Variants in TTC39A observed in about 807,000 individuals in gnomAD.
TTC39A encodes the protein tetratricopeptide repeat protein 39A.
TTC39A carries 46 observed loss-of-function variants against 82.3 expected under a neutral mutation model. The observed-to-expected ratio is 0.56, with a 90% CI of 0.44 to 0.71. The LOEUF is 0.71. Ranked by LOEUF, TTC39A falls within the 30% of genes least tolerant of loss-of-function variation. The probability of loss-of-function intolerance (pLI) is 0.00; values close to 1 mark genes in which losing one functional copy is unlikely to be tolerated. For synonymous variants in TTC39A, 254 were observed against 275.2 expected, an observed-to-expected ratio of 0.92 and a Z score of 0.76; for missense variants, 543 against 712.9, an observed-to-expected ratio of 0.76 and a Z score of 2.71.
chr1:51,328,202 T>A (rs917447987), intron 1 of TTC39A, among the ~76,000 whole-genome samples: 2 of 152,134 alleles, frequency 1.3e-5, no homozygotes, highest in African/African-American at 4.8e-5. Context: ...TATTTTATTT[T>A]ATTTAAGATC....
At chr1:51,302,279 G>C (rs2148177894) in intron 11 of TTC39A, 78 bp downstream of exon 11, 1 of 1,199,120 alleles carries the variant, frequency 8.3e-7, no homozygotes, top group African/African-American at 1.7e-5. Context: ...CCCTGAGTAT[G>C]TCACATGTGC....
chr1:51,302,273 G>A, intron 11 of TTC39A, 84 bp downstream of exon 11: 1 of 1,091,434 alleles, frequency 9.2e-7, no homozygotes, highest in Non-Finnish European at 1.3e-6. Context: ...TCCTGTCCCT[G>A]AGTATGTCAC....
rs146609489 is a variant in TTC39A, at chr1:51,288,289, G to A, written c.1611-9C>T. 32 of 1,613,948 alleles carry A rather than the reference G, an allele frequency of 2.0e-5. No homozygotes were observed. The African/African-American group carries it at 4.0e-4, about 20-fold the overall frequency. On this transcript the variant is annotated splice_polypyrimidine_tract_variant and intron_variant, in intron 17 of 17. Coordinates refer to ENST00000680483, the MANE Select transcript of TTC39A (RefSeq NM_001297663.2). The surrounding 1 kb of genome is among the most constrained non-coding windows in gnomAD (Gnocchi z 4.8). ...AATTCTTGTAGTTTTGCCTGGAATT[G>A]AGCAGCGAATCAGACACATGAGGCT...
chr1:51,338,302 C>T (rs894093386), intron 1 of TTC39A, among the ~76,000 whole-genome samples: 6 of 152,104 alleles, frequency 3.9e-5, no homozygotes, highest in Admixed American at 6.6e-5. Flanking sequence ...CACCTCTTTG[C>T]GCCTAAGTTT....
chr1:51,304,867 C>T (rs926204524), intron 8 of TTC39A, among the ~76,000 whole-genome samples: 4 of 152,236 alleles, frequency 2.6e-5, no homozygotes, highest in African/African-American at 4.8e-5. Context: ...AGAGCCTCTG[C>T]ACCCTGGGAG....
intron 16 of TTC39A, 50 bp from the exon 17 acceptor site, chr1:51,289,005 A>G (rs1290125119): frequency 6.6e-7 from 1 of 1,507,618 alleles, no homozygotes; most frequent in Non-Finnish European, 9.0e-7. Flanking sequence ...GCCTCTCCCA[A>G]ACTGCATGTG....
intron 1 of TTC39A, chr1:51,344,973 C>A: frequency 6.6e-7 from 1 of 1,525,474 alleles, no homozygotes; most frequent in South Asian, 1.2e-5. Flanking sequence ...CCGCCGAGTC[C>A]CCACCCCTGC....
chr1:51,312,103 G>A lies in TTC39A; in HGVS notation c.355+16C>T, dbSNP rs116681598. On this transcript the variant is annotated intron_variant, in intron 4 of 17. Transcript: ENST00000680483. ...CTGGGCTTAGCATGGTTGAAAGGAT[G>A]TCCTGGATGCCACACCTTCAGTGAA... The A allele has an allele frequency of 5.4e-3, 8,750 of 1,608,176 alleles. 320 individuals carry two copies. In the African/African-American group the frequency reaches 0.091, roughly 17 times the overall value.
In TTC39A at chr1:51,306,011, C is replaced by T; in HGVS notation, c.554G>A (p.Gly185Glu). ...CKGENHPHFE[G>E]GVKLGVGAFN... ...GGCCCCTACACCAAGCTTCACTCCTCCTTCAAAGTGCGGGTGGTTCTCACC... is the reference window on the plus strand; with the variant it reads ...GGCCCCTACACCAAGCTTCACTCCTTCTTCAAAGTGCGGGTGGTTCTCACC... Residue 185 changes from glycine (G) to glutamate (E), a missense_variant, in exon 7 of 18, where the codon GGA becomes GAA. Gly to Glu is a moderately conservative substitution (Grantham distance 98). Coordinates refer to ENST00000680483, the MANE Select transcript of TTC39A (RefSeq NM_001297663.2). 1.9e-6 allele frequency: 3 copies of T among 1,614,034 alleles called. No individual in the cohort carries two copies. In the South Asian group the frequency reaches 3.3e-5, roughly 18 times the overall value.
intron 16 of TTC39A, 46 bp from the exon 17 acceptor site, chr1:51,289,001 C>T (rs1453334831): frequency 6.6e-7 from 1 of 1,517,508 alleles, no homozygotes. Flanking sequence ...CTGAGCCTCT[C>T]CCAAACTGCA....
At chr1:51,289,858 G>A in intron 16 of TTC39A, 147 bp downstream of exon 16, 1 of 645,652 alleles carries the variant, frequency 1.5e-6, no homozygotes, top group South Asian at 2.0e-5. Flanking sequence ...CACAAGTCCT[G>A]GCACAGAGTG....
intron 11 of TTC39A, 85 bp downstream of exon 11, chr1:51,302,267 GTCCCT>G: frequency 9.9e-7 from 1 of 1,005,710 alleles, no homozygotes; most frequent in Non-Finnish European, 1.5e-6. Flanking sequence ...AGTCTATCCT[GTCCCT>G]GAGTATGTCA....
chr1:51,341,716 C>CA (rs1483525586), intron 1 of TTC39A, among the ~76,000 whole-genome samples: 33 of 151,862 alleles, frequency 2.2e-4, no homozygotes, highest in African/African-American at 7.7e-4. Context: ...CACACACACA[C>CA]ACAAAAAAAA....
chr1:51,311,136 G>T lies in TTC39A; in HGVS notation c.423+118C>A, dbSNP rs764064033. 45 of 942,426 alleles carry T rather than the reference G, an allele frequency of 4.8e-5. No homozygotes were observed. The Middle Eastern group carries it at 6.5e-4, about 14-fold the overall frequency. 58.4% of individuals were successfully genotyped at this position (942,426 alleles called of 1,614,324 possible). ...AGGATGGGACACGATTGCTACAGGGGATGAGTCGTGGTTGCTATGGGGGAT... is the reference window on the plus strand; with the variant it reads ...AGGATGGGACACGATTGCTACAGGGTATGAGTCGTGGTTGCTATGGGGGAT... On this transcript the variant is annotated intron_variant, in intron 5 of 17. Coordinates refer to ENST00000680483, the MANE Select transcript of TTC39A (RefSeq NM_001297663.2).
At chr1:51,320,416 C>CTTTTTTTTTTT (rs57261779) in intron 2 of TTC39A, among the ~76,000 whole-genome samples, 56 of 79,262 alleles carry the variant, frequency 7.1e-4, no homozygotes, top group East Asian at 9.8e-4. Context: ...TTTTCTTTTT[C>CTTTTTTTTTTT]TTTTTTTTTT....
chr1:51,320,945 T>C (rs1454748762), intron 2 of TTC39A, among the ~76,000 whole-genome samples: 1 of 149,716 alleles, frequency 6.7e-6, no homozygotes, highest in African/African-American at 2.5e-5. Flanking sequence ...CGATCTTGGC[T>C]CACTGCAACC....
At chr1:51,322,398 C>T (rs1347611387) in intron 1 of TTC39A, 11 of 891,102 alleles carry the variant, frequency 1.2e-5, no homozygotes, top group South Asian at 4.0e-5. Context: ...CCAGTCCTTA[C>T]GTTTCTCTAT....
chr1:51,328,908 T>G (rs993754403), intron 1 of TTC39A, among the ~76,000 whole-genome samples: 19 of 152,282 alleles, frequency 1.2e-4, no homozygotes, highest in African/African-American at 4.6e-4. Flanking sequence ...AAGGTGAGAA[T>G]GGTCCTGCTG....
chr1:51,312,521 T>C lies in TTC39A; in HGVS notation c.278+291A>G, dbSNP rs967418059. Among the ~76,000 whole-genome samples, 3 of 152,032 alleles carry C rather than the reference T, an allele frequency of 2.0e-5. No homozygotes were observed. The East Asian group carries it at 5.8e-4, about 29-fold the overall frequency. The stretch of plus-strand genomic sequence containing the variant: ...CTCCCAACCTGTCCGACGTTTCGGC[T>C]CCTCTCCTTAATGTCTCTTCGTGTC... On this transcript the variant is annotated intron_variant, in intron 3 of 17. Coordinates refer to ENST00000680483, the MANE Select transcript of TTC39A (RefSeq NM_001297663.2).
Sources: gnomAD v4.1 joint callset for allele counts (sites outside exome capture counted in the v4.1 genomes callset) on GRCh38, gnomAD v4.1.1 for gene constraint, Gnocchi (gnomAD v3.1) non-coding constraint, MANE v1.5 for transcripts, NCBI Gene and HGNC (gene_info 2026-07-23, HGNC 2026-07-21) for gene names.